The following PLEKHM2 variants were observed in gnomAD, a reference collection of about 807,000 sequenced individuals.
PLEKHM2 encodes the protein pleckstrin homology and RUN domain containing M2.
A neutral mutation model predicts 116.3 loss-of-function variants in PLEKHM2; 77 were observed. The ratio of observed to expected loss-of-function variants is 0.66; its 90% CI spans 0.55 to 0.80. The LOEUF (loss-of-function observed/expected upper bound fraction) is 0.80. PLEKHM2 is among the 30% of genes least tolerant of loss of function. The pLI, the probability that PLEKHM2 is intolerant of heterozygous loss-of-function variation, is 0.00. For synonymous variants in PLEKHM2, 562 were observed against 571.0 expected, an observed-to-expected ratio of 0.98 and a Z score of 0.22; for missense variants, 1,183 against 1,354.9, an observed-to-expected ratio of 0.87 and a Z score of 1.99.
chr1:15,700,627 A>G (rs923082859), intron 1 of PLEKHM2, among the ~76,000 whole-genome samples: 1 of 152,210 alleles, frequency 6.6e-6, no homozygotes, highest in Non-Finnish European at 1.5e-5. Flanking sequence ...TGCACAGGGC[A>G]GGACATTCTT....
intron 1 of PLEKHM2, among the ~76,000 whole-genome samples, chr1:15,687,452 G>C (rs965108663): frequency 2.0e-5 from 3 of 152,178 alleles, no homozygotes; most frequent in Non-Finnish European, 4.4e-5. Flanking sequence ...GGGATTACAG[G>C]CATGGTGAAG....
intron 16 of PLEKHM2, 23 bp downstream of exon 16, chr1:15,731,280 G>T (rs565683942): frequency 6.5e-7 from 1 of 1,543,476 alleles, no homozygotes; most frequent in East Asian, 2.4e-5. Flanking sequence ...GGAGAAGCGG[G>T]TGTATCCTGG....
chr1:15,720,561 A>G (rs1290387361), intron 6 of PLEKHM2: 1 of 844,862 alleles, frequency 1.2e-6, no homozygotes, highest in South Asian at 5.4e-5. Flanking sequence ...CCTGGTGTTC[A>G]TGGATAAAAC....
intron 1 of PLEKHM2, among the ~76,000 whole-genome samples, chr1:15,711,606 G>A (rs2148351771): frequency 6.7e-6 from 1 of 149,960 alleles, no homozygotes; most frequent in Admixed American, 6.6e-5. Flanking sequence ...AACAGAGCGA[G>A]GCTCCATCTC....
At chr1:15,718,697 G>T in intron 5 of PLEKHM2, 72 bp downstream of exon 5, 1 of 772,268 alleles carries the variant, frequency 1.3e-6, no homozygotes. Context: ...GTGGGCGGTG[G>T]CTTCATTTCT....
In PLEKHM2 at chr1:15,716,646, G is replaced by A. The variant is rs72881331; in HGVS notation, c.168-61G>A. 5,860 of 1,533,352 alleles carry A rather than the reference G, an allele frequency of 3.8e-3. 184 individuals are homozygous for A. The African/African-American group carries it at 0.07, about 18-fold the overall frequency. The allele number at this position is 1,533,352 out of a possible 1,614,324, so 95.0% of individuals were successfully genotyped here. ...CCTTGCGCTCACTGCTGGACCAGCC[G>A]ACTGCAGCTTCCCAGGGTGGCCCCA... On this transcript the variant is annotated intron_variant, in intron 2 of 19. Transcript: ENST00000375799.
At position 15,728,169 on chromosome 1, in the gene PLEKHM2, A is replaced by G. The variant is rs1475277996; in HGVS notation, c.1830+21A>G. Reference sequence around the variant, plus strand: ...TCAAAGTAAGTCCTAGGAACTCAGGAGTGAGCAAGAGACGGCAAGGGCAAG... The same window carrying G: ...TCAAAGTAAGTCCTAGGAACTCAGGGGTGAGCAAGAGACGGCAAGGGCAAG... On this transcript the variant is annotated intron_variant, in intron 10 of 19. Transcript: ENST00000375799. The surrounding 1 kb of genome is among the most constrained non-coding windows in gnomAD (Gnocchi z 5.9). The G allele has an allele frequency of 6.2e-7, 1 of 1,608,890 alleles. No homozygotes were observed. Among genetic ancestry groups the G allele is most frequent in the Non-Finnish European group, 8.5e-7 (1 of 1,176,562 alleles).
intron 7 of PLEKHM2, among the ~76,000 whole-genome samples, chr1:15,723,680 G>A (rs2068023237): frequency 6.6e-6 from 1 of 151,314 alleles, no homozygotes; most frequent in Admixed American, 6.6e-5. Context: ...AGGAGGTCGA[G>A]GCTACAGTGA....
At chr1:15,687,228 G>A (rs1219431552) in intron 1 of PLEKHM2, among the ~76,000 whole-genome samples, 2 of 151,772 alleles carry the variant, frequency 1.3e-5, no homozygotes, top group African/African-American at 2.4e-5. Flanking sequence ...GTGCAGTGGC[G>A]TGATCTCAGC....
chr1:15,722,966 C>G (rs1288086284), intron 7 of PLEKHM2: 1 of 152,198 alleles, frequency 6.6e-6, no homozygotes, highest in Non-Finnish European at 1.5e-5. Flanking sequence ...CCCAGTTGCA[C>G]TGCTTGCCTC....
At chr1:15,725,601 T>C (rs2068054121) in intron 8 of PLEKHM2, 56 bp downstream of exon 8, 5 of 1,253,384 alleles carry the variant, frequency 4.0e-6, no homozygotes, top group African/African-American at 3.0e-5. Flanking sequence ...ACCTGTCCAC[T>C]CCCAGCATCA....
At chr1:15,706,634 T>C (rs1161994105) in intron 1 of PLEKHM2, among the ~76,000 whole-genome samples, 1 of 152,070 alleles carries the variant, frequency 6.6e-6, no homozygotes, top group African/African-American at 2.4e-5. Flanking sequence ...CTCGAACTCC[T>C]AACCTCAGGT....
chr1:15,710,195 C>T (rs1296500884), intron 1 of PLEKHM2, among the ~76,000 whole-genome samples: 1 of 147,562 alleles, frequency 6.8e-6, no homozygotes, highest in African/African-American at 2.5e-5. Context: ...CCACTGCCCT[C>T]CAGCCTGGGC....
At position 15,729,286 on chromosome 1, in the gene PLEKHM2, G is replaced by A. The variant is rs1437795166; in HGVS notation, c.2075+96G>A. ...GGGTCAGGGGTGGAGGTGGAAAGTG[G>A]GAGATCCAGGAGGGGAAACCAGATG... On this transcript the variant is annotated intron_variant, in intron 13 of 19. Transcript: ENST00000375799. This position sits in a 1 kb window ranked among gnomAD's most constrained non-coding sequence, Gnocchi z 4.7. 2.0e-6 allele frequency: 2 copies of A among 978,240 alleles called. No individual in the cohort carries two copies. The highest frequency in any genetic ancestry group is 4.0e-5 in the Admixed American group (2 of 50,068). 60.6% of individuals were successfully genotyped at this position (978,240 alleles called of 1,614,324 possible). A position where few individuals can be genotyped will look rare whatever the true frequency, so the allele number is the denominator to read the frequency against.
upstream of PLEKHM2, among the ~76,000 whole-genome samples, chr1:15,683,645 C>T (rs1419060223): frequency 1.4e-5 from 2 of 146,122 alleles, no homozygotes; most frequent in Non-Finnish European, 3.0e-5. Flanking sequence ...TGGGGAGGGC[C>T]AGTGCCTCGG....
chr1:15,724,737 G>C (rs924754371), intron 7 of PLEKHM2, among the ~76,000 whole-genome samples: 2 of 152,104 alleles, frequency 1.3e-5, no homozygotes, highest in Admixed American at 1.3e-4. Context: ...CTGTCTCCTA[G>C]CCTCTGCCCC....
intron 14 of PLEKHM2, among the ~76,000 whole-genome samples, 156 bp from the exon 15 acceptor site, chr1:15,730,376 A>C (rs980011900): frequency 1.3e-5 from 2 of 152,058 alleles, no homozygotes; most frequent in African/African-American, 4.8e-5. Flanking sequence ...TGGAAGATGG[A>C]GGTTGCAGTG....
In PLEKHM2 at chr1:15,723,840, C is replaced by A. The variant is rs143158101; in HGVS notation, c.713-1477C>A. Among the ~76,000 whole-genome samples the A allele has an allele frequency of 3.4e-3, 515 of 151,994 alleles. 4 individuals are homozygous for A. Among genetic ancestry groups the A allele is most frequent in the Non-Finnish European group, 5.7e-3 (385 of 68,000 alleles). On this transcript the variant is annotated intron_variant, in intron 7 of 19. Transcript: ENST00000375799. ...GGCACTAAGTTGACAGCTGGTTGGGCCCCCAGTGGGGCTGTGGGGTGCATG... is the reference window on the plus strand; with the variant it reads ...GGCACTAAGTTGACAGCTGGTTGGGACCCCAGTGGGGCTGTGGGGTGCATG...
At chr1:15,731,288 T>G in intron 16 of PLEKHM2, 31 bp downstream of exon 16, 1 of 1,512,972 alleles carries the variant, frequency 6.6e-7, no homozygotes, top group Non-Finnish European at 9.0e-7. Context: ...GGGTGTATCC[T>G]GGGGCCCAGA....
Sources: allele counts gnomAD v4.1 joint callset (sites outside exome capture counted in the v4.1 genomes callset), GRCh38; gene constraint gnomAD v4.1.1; non-coding constraint Gnocchi (gnomAD v3.1); transcripts MANE v1.5; gene names NCBI Gene and HGNC (gene_info 2026-07-23, HGNC 2026-07-21).